The following VPS33A variants were observed in gnomAD, a reference collection of about 807,000 sequenced individuals.
VPS33A encodes the protein vacuolar protein sorting-associated protein 33A.
In VPS33A, 32 loss-of-function variants were observed where a neutral mutation model predicts 71.8. That is an observed-to-expected ratio of 0.45 (90% CI 0.34 to 0.60). VPS33A has a LOEUF of 0.60. Ranked by LOEUF, VPS33A falls within the 20% of genes least tolerant of loss-of-function variation. The pLI, the probability that VPS33A is intolerant of heterozygous loss-of-function variation, is 0.02. For synonymous variants in VPS33A, 311 were observed against 292.7 expected (o/e 1.06, Z -0.64); for missense variants, 625 against 748.5 (o/e 0.84, Z 1.92).
intron 4 of VPS33A, among the ~76,000 whole-genome samples, chr12:122,257,385 C>A (rs1018268418): frequency 2.1e-5 from 3 of 143,782 alleles, no homozygotes; most frequent in African/African-American, 8.0e-5. Flanking sequence ...CGAGACTGTG[C>A]CACTGCACTC....
In VPS33A at chr12:122,238,731, A is replaced by G. The variant is rs572302601; in HGVS notation, c.1165-7T>C. On this transcript the variant is annotated splice_polypyrimidine_tract_variant and splice_region_variant and intron_variant, in intron 9 of 12. Coordinates refer to ENST00000267199, the MANE Select transcript of VPS33A (RefSeq NM_022916.6). ...CCTCAATGTAATTGTTGACCTGGAA[A>G]TAAAGTAGCATACATATACATATAC... 1.2e-5 allele frequency: 20 copies of G among 1,612,038 alleles called. No homozygotes were observed. Among genetic ancestry groups the G allele is most frequent in the Admixed American group, 1.7e-5 (1 of 59,522 alleles).
chr12:122,249,172 T>C (rs192130413), intron 6 of VPS33A: 30 of 152,286 alleles, frequency 2.0e-4, no homozygotes, highest in Admixed American at 7.9e-4. Flanking sequence ...CTAATTGAAA[T>C]AGGCATGGCT....
At chr12:122,254,400 C>G (rs928814835) in intron 4 of VPS33A, among the ~76,000 whole-genome samples, 2 of 113,124 alleles carry the variant, frequency 1.8e-5, no homozygotes, top group East Asian at 3.1e-4. Flanking sequence ...AATCCACCCC[C>G]CCGCCTTTTT....
At chr12:122,252,258 T>TTTTTTATTTTTA (rs199797222) in intron 4 of VPS33A, among the ~76,000 whole-genome samples, 1 of 151,846 alleles carries the variant, frequency 6.6e-6, no homozygotes. Flanking sequence ...CCCCATCTCT[T>TTTTTTATTTTTA]TTTTTATTTT....
At chr12:122,250,248 A>G in intron 5 of VPS33A, 1 of 544,114 alleles carries the variant, frequency 1.8e-6, no homozygotes, top group East Asian at 3.0e-5. Context: ...GCCATTTGCC[A>G]ATGAGGCATA....
intron 8 of VPS33A, among the ~76,000 whole-genome samples, chr12:122,241,454 G>A (rs535802445): frequency 4.0e-5 from 6 of 151,850 alleles, no homozygotes; most frequent in Non-Finnish European, 7.4e-5. Flanking sequence ...ACAGGTGCCC[G>A]CCACCACACC....
chr12:122,260,634 T>A (rs1355200341), intron 4 of VPS33A, among the ~76,000 whole-genome samples: 1 of 152,166 alleles, frequency 6.6e-6, no homozygotes, highest in Non-Finnish European at 1.5e-5. Flanking sequence ...GCTAATATTT[T>A]AAAATTTTAA....
intron 11 of VPS33A, among the ~76,000 whole-genome samples, 183 bp downstream of exon 11, chr12:122,235,603 G>A (rs1278594218): frequency 1.3e-5 from 2 of 152,156 alleles, no homozygotes; most frequent in Admixed American, 1.3e-4. Flanking sequence ...CCCAGTTTAA[G>A]AGCATTCTCT....
At chr12:122,247,495 T>G (rs1254084167) in intron 6 of VPS33A, among the ~76,000 whole-genome samples, 1 of 152,128 alleles carries the variant, frequency 6.6e-6, no homozygotes, top group African/African-American at 2.4e-5. Flanking sequence ...GTATTAAAGG[T>G]GCCATTTTTT....
rs1465745244 is a variant in VPS33A at position 122,238,712 on chromosome 12, T to C, written c.1177A>G (p.Ile393Val). The stretch of plus-strand genomic sequence containing the variant: ...TGCTTTTGGGCGATACAATCCTCAA[T>C]GTAATTGTTGACCTGGAAATAAAGT... ...GIDTDKVNNY[I>V]EDCIAQKHSL... is the part of the protein sequence containing the mutation. Residue 393 changes from isoleucine to valine, a missense_variant, in exon 10 of 13, where the codon ATT (isoleucine) becomes GTT (valine). Physicochemically the swap from Ile to Val is conservative, Grantham distance 29 (BLOSUM62 3). Coordinates refer to ENST00000267199, the MANE Select transcript of VPS33A (RefSeq NM_022916.6). The C allele has an allele frequency of 6.2e-7, 1 of 1,612,940 alleles. No individual in the cohort carries two copies. Among genetic ancestry groups the C allele is most frequent in the Non-Finnish European group, 8.5e-7 (1 of 1,179,838 alleles).
chr12:122,249,066 T>C (rs1042227135), intron 6 of VPS33A: 2 of 152,202 alleles, frequency 1.3e-5, no homozygotes, highest in Non-Finnish European at 1.5e-5. Context: ...CTCCAGTTAT[T>C]TCCAGTTTTT....
chr12:122,264,055 G>C, intron 2 of VPS33A, 79 bp downstream of exon 2: 2 of 1,253,932 alleles, frequency 1.6e-6, no homozygotes, highest in Non-Finnish European at 1.1e-6. Flanking sequence ...AATGATTCAG[G>C]AAGAAATATA....
At chr12:122,262,499 C>G (rs1305292615) in intron 3 of VPS33A, among the ~76,000 whole-genome samples, 1 of 151,958 alleles carries the variant, frequency 6.6e-6, no homozygotes, top group African/African-American at 2.4e-5. Context: ...AGCCCATATG[C>G]TTTTAAGATT....
chr12:122,233,742 A>T (rs966154615), intron 11 of VPS33A, among the ~76,000 whole-genome samples: 12 of 152,240 alleles, frequency 7.9e-5, no homozygotes, highest in Non-Finnish European at 1.5e-4. Flanking sequence ...CAATCTGTTA[A>T]ATCATTAAAT....
rs1954754144 is a variant in VPS33A, at chr12:122,244,661, C to G, written c.877G>C (p.Glu293Gln). The G allele has an allele frequency of 6.2e-7, 1 of 1,614,108 alleles. No individual in the cohort carries two copies. Among genetic ancestry groups the G allele is most frequent in the Non-Finnish European group, 8.5e-7 (1 of 1,180,044 alleles). The change falls in exon 7 of 13, where the codon GAG (glutamate) becomes CAG (glutamine). Residue 293 changes from glutamate (E) to glutamine (Q), a missense_variant. Coordinates refer to ENST00000267199, the MANE Select transcript of VPS33A (RefSeq NM_022916.6). ...EAKKLQLNSA[E>Q]ELYAEIRDKN... ...TCTCGGATCTCAGCATAGAGCTCCT[C>G]TGCAGAATTCAGCTGCAGCTTCTTT... is the stretch of plus-strand genomic sequence containing the variant.
At position 122,232,423 on chromosome 12, in the gene VPS33A, T is replaced by C; in HGVS notation, c.1614A>G (p.Gln538=). 1 of 1,610,510 alleles carries C rather than the reference T, an allele frequency of 6.2e-7. No homozygotes were observed. The highest frequency in any genetic ancestry group is 8.5e-7 in the Non-Finnish European group (1 of 1,178,820). Residue 538 remains glutamine, a synonymous_variant, in exon 13 of 13, where the codon CAA becomes CAG. Coordinates refer to ENST00000267199, the MANE Select transcript of VPS33A (RefSeq NM_022916.6). Reference sequence around the variant, plus strand: ...TCAGAGTCACTCGGTTTTCTCCCGGTTGACCTAAAATTTAAACATTTCAGA... The same window carrying C: ...TCAGAGTCACTCGGTTTTCTCCCGGCTGACCTAAAATTTAAACATTTCAGA... The part of the protein sequence containing the change: ...PLPTGLQKKR[Q]PGENRVTLIF...
chr12:122,265,871 TTC>T (rs1955061621), intron 1 of VPS33A: 1 of 366,904 alleles, frequency 2.7e-6, no homozygotes. Flanking sequence ...TGATTACAAC[TTC>T]TCTCATAACA....
chr12:122,254,526 C>T (rs186500280), intron 4 of VPS33A, among the ~76,000 whole-genome samples: 16 of 151,578 alleles, frequency 1.1e-4, no homozygotes, highest in Admixed American at 3.3e-4. Flanking sequence ...CCTCAGTCTG[C>T]GAAGTAGCTG....
At chr12:122,238,043 T>C (rs1593195658) in intron 10 of VPS33A, among the ~76,000 whole-genome samples, 1 of 151,828 alleles carries the variant, frequency 6.6e-6, no homozygotes, top group East Asian at 2.0e-4. Flanking sequence ...CCACAAAATA[T>C]TGAGATAACA....
Sources: gnomAD v4.1 joint callset for allele counts (sites outside exome capture counted in the v4.1 genomes callset) on GRCh38, gnomAD v4.1.1 for gene constraint, MANE v1.5 for transcripts, NCBI Gene and HGNC (gene_info 2026-07-23, HGNC 2026-07-21) for gene names.